Variants in GSPT1 observed in about 807,000 individuals in gnomAD.
GSPT1 encodes eukaryotic peptide chain release factor GTP-binding subunit ERF3A.
In GSPT1, 20 loss-of-function variants were observed where a neutral mutation model predicts 72.5. That is an observed-to-expected ratio of 0.28 (90% CI 0.19 to 0.40). The LOEUF (loss-of-function observed/expected upper bound fraction) is 0.40. GSPT1 is among the 10% of genes least tolerant of loss of function. GSPT1 has a pLI of 1.00. For synonymous variants in GSPT1, 334 were observed against 293.5 expected (o/e 1.14, Z -1.41); for missense variants, 580 against 811.9 (o/e 0.71, Z 3.47).
chr16:11,895,660 C>G (rs1253124277), intron 4 of GSPT1: 1 of 152,060 alleles, frequency 6.6e-6, no homozygotes, highest in Non-Finnish European at 1.5e-5. Context: ...GAATCTTGCT[C>G]CGTTGCCCAG....
In GSPT1 at chr16:11,909,946, A is replaced by T. The variant is rs545631914; in HGVS notation, c.352+5423T>A. Among the ~76,000 whole-genome samples the T allele has an allele frequency of 2.3e-3, 332 of 143,274 alleles. 2 individuals are homozygous for T. Among genetic ancestry groups the T allele is most frequent in the South Asian group, 6.9e-3 (33 of 4,762 alleles). 94.0% of individuals were successfully genotyped at this position (143,274 alleles called of 152,430 possible). On this transcript the variant is annotated intron_variant, in intron 1 of 14. Transcript: ENST00000434724. ...CTCAAAAAACAAAAACAAACAAAAAAACTTAGCCAGGCGTCATGGTGGGTG... is the reference window on the plus strand; with the variant it reads ...CTCAAAAAACAAAAACAAACAAAAATACTTAGCCAGGCGTCATGGTGGGTG...
At chr16:11,881,669 TTTTTA>T in intron 11 of GSPT1, 1 of 147,096 alleles carries the variant, frequency 6.8e-6, no homozygotes, top group South Asian at 2.3e-4. Context: ...TTTTTTTTTT[TTTTTA>T]GTAAAGGTCT....
At chr16:11,906,564 G>T (rs1021525017) in intron 1 of GSPT1, among the ~76,000 whole-genome samples, 2 of 152,176 alleles carry the variant, frequency 1.3e-5, no homozygotes, top group Non-Finnish European at 2.9e-5. Context: ...AGCCCAGGAG[G>T]TTGAGGCCAC....
At chr16:11,895,105 A>C (rs2054317379) in intron 4 of GSPT1, 118 bp from the exon 5 acceptor site, 1 of 690,952 alleles carries the variant, frequency 1.4e-6, no homozygotes, top group African/African-American at 1.8e-5. Flanking sequence ...TTTGGGGCAT[A>C]AATCCTAGTT....
At chr16:11,900,549 C>T (rs886750321) in intron 1 of GSPT1, among the ~76,000 whole-genome samples, 1 of 152,030 alleles carries the variant, frequency 6.6e-6, no homozygotes, top group Non-Finnish European at 1.5e-5. Flanking sequence ...GTAATCACTA[C>T]CATCTAACAT....
intron 11 of GSPT1, among the ~76,000 whole-genome samples, chr16:11,878,587 C>T (rs1175766472): frequency 7.4e-6 from 1 of 135,778 alleles, no homozygotes; most frequent in Non-Finnish European, 1.5e-5. Context: ...CAGCGAGACC[C>T]TGTCTTTAAA....
At chr16:11,884,630 G>A (rs1329455543) in intron 10 of GSPT1, among the ~76,000 whole-genome samples, 1 of 152,132 alleles carries the variant, frequency 6.6e-6, no homozygotes, top group Admixed American at 6.5e-5. Flanking sequence ...TGGATGCGGT[G>A]GCACACGCCT....
rs1372080946 is a variant in GSPT1, at chr16:11,872,128, G to C, written c.*991C>G. 1.3e-5 allele frequency: 2 copies of C among 152,170 alleles called. No homozygotes were observed. The highest frequency in any genetic ancestry group is 1.9e-4 in the East Asian group (1 of 5,200). 9.4% of individuals were successfully genotyped at this position (152,170 alleles called of 1,614,324 possible). On this transcript the variant is annotated 3_prime_UTR_variant, in exon 15 of 15. Transcript: ENST00000434724. Reference sequence around the variant, plus strand: ...CAAAGAGTAAACTGAGTAACTTGTAGAAGTGGCACTTGCAACTGATACGGT... The same window carrying C: ...CAAAGAGTAAACTGAGTAACTTGTACAAGTGGCACTTGCAACTGATACGGT...
intron 3 of GSPT1, among the ~76,000 whole-genome samples, chr16:11,897,350 G>C (rs1327972984): frequency 2.6e-5 from 4 of 152,168 alleles, no homozygotes; most frequent in Non-Finnish European, 5.9e-5. Flanking sequence ...ACTTTCGGAG[G>C]CCGAGGTGGG....
intron 7 of GSPT1, 21 bp from the exon 8 acceptor site, chr16:11,886,952 A>G (rs1298265838): frequency 1.2e-6 from 2 of 1,608,170 alleles, no homozygotes; most frequent in South Asian, 2.2e-5. Flanking sequence ...GAAAGGAAAC[A>G]GTTTACTCCT....
In GSPT1 at chr16:11,873,023, G is replaced by A. The variant is rs1676721111; in HGVS notation, c.*96C>T. The A allele has an allele frequency of 2.8e-6, 2 of 714,832 alleles. No individual in the cohort carries two copies. Among genetic ancestry groups the A allele is most frequent in the Non-Finnish European group, 5.0e-6 (2 of 400,666 alleles). 44.3% of individuals were successfully genotyped at this position (714,832 alleles called of 1,614,324 possible). A position where few individuals can be genotyped will look rare whatever the true frequency, so the allele number is the denominator to read the frequency against. On this transcript the variant is annotated 3_prime_UTR_variant, in exon 15 of 15. Coordinates refer to ENST00000434724, the MANE Select transcript of GSPT1 (RefSeq NM_002094.4). The stretch of plus-strand genomic sequence containing the variant: ...TCCTCTTTGCAAAATATGGGGAGAG[G>A]TTTATCAATGGGCAGAAAATAAGAG...
chr16:11,890,889 G>T, intron 6 of GSPT1, 173 bp downstream of exon 6: 1 of 450,832 alleles, frequency 2.2e-6, no homozygotes, highest in Non-Finnish European at 3.9e-6. Context: ...CTCTGTGTAA[G>T]TTATTAAAGC....
chr16:11,894,931 T>G (rs2054315281), intron 5 of GSPT1, 23 bp downstream of exon 5: 1 of 1,478,314 alleles, frequency 6.8e-7, no homozygotes, highest in African/African-American at 1.4e-5. Context: ...AACTCTGTTA[T>G]TTAACAAAAG....
rs1425890183 is a variant in GSPT1 at position 11,915,939 on chromosome 16, C to G, written c.-219G>C. On this transcript the variant is annotated 5_prime_UTR_variant, in exon 1 of 15. Transcript: ENST00000434724. ...CGGCGGCGGCGGCAGCTCAACCCTC[C>G]TCCTCGTGTGTGTGAGCGGATCTCC... The G allele has an allele frequency of 8.0e-6, 6 of 750,868 alleles. No individual in the cohort carries two copies. Among genetic ancestry groups the G allele is most frequent in the Non-Finnish European group, 1.2e-5 (5 of 414,498 alleles). The allele number at this position is 750,868 out of a possible 1,614,324, so 46.5% of individuals were successfully genotyped here. A position where few individuals can be genotyped will look rare whatever the true frequency, so the allele number is the denominator to read the frequency against.
intron 5 of GSPT1, among the ~76,000 whole-genome samples, chr16:11,892,574 ATCCCAGCACTTTGCGAGG>A (rs1442879104): frequency 1.3e-5 from 2 of 150,382 alleles, no homozygotes; most frequent in Non-Finnish European, 3.0e-5. Flanking sequence ...CAGGCCTATA[ATCCCAGCACTTTGCGAGG>A]CCAAAGCAGG....
rs528062006 is a variant in GSPT1 at position 11,902,690 on chromosome 16, C to T, written c.353-4655G>A. 2.6e-5 allele frequency among the ~76,000 whole-genome samples: 4 copies of T among 151,320 alleles called. No individual in the cohort carries two copies. The East Asian group carries it at 8.0e-4, about 30-fold the overall frequency. On this transcript the variant is annotated intron_variant, in intron 1 of 14. Transcript: ENST00000434724. ...GCAACCTCCACCTCCTGGGTTCAAG[C>T]GATTCTCCTGCTTTAAGTCCCGAGT...
intron 9 of GSPT1, 97 bp downstream of exon 9, chr16:11,886,374 A>C: frequency 1.4e-6 from 1 of 724,834 alleles, no homozygotes. Flanking sequence ...TATGCTCAAA[A>C]GCATATGTTA....
At position 11,915,545 on chromosome 16, in the gene GSPT1, T is replaced by G. The variant is rs774523311; in HGVS notation, c.176A>C (p.Glu59Ala). The change falls in exon 1 of 15, where the codon GAG becomes GCG. Residue 59 changes from glutamate (E) to alanine (A), a missense_variant. By Grantham distance (107) the Glu-to-Ala change is moderately radical. Around this residue, in one of 6 missense-constraint regions of GSPT1, gnomAD observed 327 missense variants for 298.8 expected, o/e 1.09. Coordinates refer to ENST00000434724, the MANE Select transcript of GSPT1 (RefSeq NM_002094.4). Reference sequence around the variant, plus strand: ...CCGGCTGAAGGCCGCGCTGAGGTTCTCCCGCTGGGCCTCGGCCGCCGCCGC... The same window carrying G: ...CCGGCTGAAGGCCGCGCTGAGGTTCGCCCGCTGGGCCTCGGCCGCCGCCGC... ...SLAAAAEAQR[E>A]NLSAAFSRQL... 7.3e-6 allele frequency: 11 copies of G among 1,502,622 alleles called. No homozygotes were observed. In the African/African-American group the frequency reaches 1.6e-4, roughly 22 times the overall value. 93.1% of individuals were successfully genotyped at this position (1,502,622 alleles called of 1,614,324 possible). A position where few individuals can be genotyped will look rare whatever the true frequency, so the allele number is the denominator to read the frequency against.
intron 1 of GSPT1, among the ~76,000 whole-genome samples, chr16:11,909,306 T>A (rs2054528368): frequency 6.6e-6 from 1 of 152,150 alleles, no homozygotes; most frequent in East Asian, 1.9e-4. Flanking sequence ...GCCATATAAA[T>A]CTACAGTCTC....
Sources: allele counts gnomAD v4.1 joint callset (sites outside exome capture counted in the v4.1 genomes callset), GRCh38; gene constraint gnomAD v4.1.1; regional missense constraint gnomAD v4.1.1; transcripts MANE v1.5; gene names NCBI Gene and HGNC (gene_info 2026-07-23, HGNC 2026-07-21).